TMEM67: variants seen among roughly 807,000 people sequenced by gnomAD.
TMEM67 encodes meckelin.
In TMEM67, 124 loss-of-function variants were observed where a neutral mutation model predicts 136.6. The observed-to-expected ratio is 0.91, with a 90% CI of 0.78 to 1.05. The LOEUF is 1.05. TMEM67 is among the 50% of genes least tolerant of loss of function. The pLI is 0.00. For synonymous variants in TMEM67, 364 were observed against 390.5 expected (o/e 0.93, Z 0.80); for missense variants, 1,107 against 1,178.4 (o/e 0.94, Z 0.89).
chr8:93,764,006 T>C, intron 4 of TMEM67, 65 bp downstream of exon 4: 2 of 1,065,736 alleles, frequency 1.9e-6, no homozygotes, highest in South Asian at 1.3e-5. Context: ...ATTTGTACTT[T>C]TAAGAGTGTT....
intron 1 of TMEM67, 70 bp downstream of exon 1, chr8:93,755,207 A>G (rs927200189): frequency 9.4e-6 from 13 of 1,381,902 alleles, no homozygotes; most frequent in Non-Finnish European, 1.3e-5. Context: ...GTCCCCGTAA[A>G]TGGAGTTTCA....
At chr8:93,802,849 T>C (rs547739307) in intron 21 of TMEM67, among the ~76,000 whole-genome samples, 3 of 152,214 alleles carry the variant, frequency 2.0e-5, no homozygotes, top group Non-Finnish European at 4.4e-5. Context: ...GAGTGCATTT[T>C]ATGTATTGGA....
chr8:93,798,123 G>A (rs145905207), intron 20 of TMEM67, among the ~76,000 whole-genome samples: 42 of 152,244 alleles, frequency 2.8e-4, no homozygotes, highest in Non-Finnish European at 5.0e-4. Flanking sequence ...CCCATTCCCT[G>A]CTACACCTAA....
At chr8:93,798,048 A>G (rs957019846) in intron 20 of TMEM67, among the ~76,000 whole-genome samples, 4 of 152,046 alleles carry the variant, frequency 2.6e-5, no homozygotes, top group African/African-American at 9.7e-5. Flanking sequence ...AATCATCATC[A>G]CCATTCATCT....
chr8:93,829,093 T>C, the TMEM67 span, among the ~76,000 whole-genome samples: 2 of 152,224 alleles, frequency 1.3e-5, no homozygotes, highest in African/African-American at 4.8e-5. Context: ...GTTCTATTTA[T>C]GGCTTATGTG....
chr8:93,805,860 A>G (rs1341731298), intron 23 of TMEM67, among the ~76,000 whole-genome samples: 1 of 152,214 alleles, frequency 6.6e-6, no homozygotes, highest in African/African-American at 2.4e-5. Context: ...GAACTTTATA[A>G]TGAGGGATCA....
chr8:93,820,187 C>G (rs1459761515), downstream of TMEM67, among the ~76,000 whole-genome samples: 1 of 151,946 alleles, frequency 6.6e-6, no homozygotes, highest in Non-Finnish European at 1.5e-5. Context: ...GTGCTTTCCC[C>G]CATGGCTGTG....
Position 93,803,740 on chromosome 8 carries a change from G to A in TMEM67, c.2322+56G>A, listed in dbSNP as rs1332853598. 11 of 1,084,892 alleles carry A rather than the reference G, an allele frequency of 1.0e-5. No individual in the cohort carries two copies. The Admixed American group carries it at 1.5e-4, about 15-fold the overall frequency. 67.2% of individuals were successfully genotyped at this position (1,084,892 alleles called of 1,614,324 possible). A position where few individuals can be genotyped will look rare whatever the true frequency, so the allele number is the denominator to read the frequency against. ...GTTACTTTCCCTTTTTAAAGGTCAT[G>A]AGTTTGTTAAGAGAGACTTTAAAAG... On this transcript the variant is annotated intron_variant, in intron 22 of 27. Coordinates refer to ENST00000453321, the MANE Select transcript of TMEM67 (RefSeq NM_153704.6).
At chr8:93,759,877 G>T (rs756201915) in intron 3 of TMEM67, 3 of 988,446 alleles carry the variant, frequency 3.0e-6, no homozygotes, top group South Asian at 1.5e-5. Flanking sequence ...TTGAACTTCC[G>T]ACCTCAGGTG....
At chr8:93,756,738 A>C (rs1352721130) in intron 2 of TMEM67, 2 of 152,156 alleles carry the variant, frequency 1.3e-5, no homozygotes, top group African/African-American at 2.4e-5. Context: ...CTCGCAGCAG[A>C]TTTCTTTTTC....
At chr8:93,812,781 G>T (rs1278332103) in intron 26 of TMEM67, among the ~76,000 whole-genome samples, 3 of 152,240 alleles carry the variant, frequency 2.0e-5, no homozygotes, top group African/African-American at 7.2e-5. Context: ...TTGTTGCCCA[G>T]GCTGGAGCAC....
At chr8:93,796,554 C>G (rs1286873723) in intron 18 of TMEM67, among the ~76,000 whole-genome samples, 1 of 152,164 alleles carries the variant, frequency 6.6e-6, no homozygotes, top group Non-Finnish European at 1.5e-5. Context: ...GTATCTCATA[C>G]TTAGATTTTT....
rs1420413321 is a variant in TMEM67, at chr8:93,755,069, A to G, written c.155A>G (p.Asn52Ser). Residue 52 changes from asparagine to serine, a missense_variant, in exon 1 of 28, where the codon AAC becomes AGC. Transcript: ENST00000453321. ...CAGCAGCCGGAGAAGTGCGACAACA[A>G]CCAGTACTTTGATATCTCCGCCCTC... ...PFQQPEKCDN[N>S]QYFDISALSC... 5 of 1,614,032 alleles carry G rather than the reference A, an allele frequency of 3.1e-6. No individual in the cohort carries two copies. The highest frequency in any genetic ancestry group is 4.2e-6 in the Non-Finnish European group (5 of 1,180,030).
In TMEM67 at chr8:93,755,038, C is replaced by G. The variant is rs752813601; in HGVS notation, c.124C>G (p.Pro42Ala). Residue 42 changes from proline (P) to alanine (A), a missense_variant, in exon 1 of 28, where the codon CCT becomes GCT. Physicochemically the swap from Pro to Ala is conservative, Grantham distance 27. Transcript: ENST00000453321. Reference protein sequence around the residue: ...RFLQAQTFSFPFQQPEKCDNN... With the variant: ...RFLQAQTFSFAFQQPEKCDNN... ...CTTACAGGCCCAGACCTTCTCTTTC[C>G]CTTTCCAGCAGCCGGAGAAGTGCGA... 2.4e-5 allele frequency: 39 copies of G among 1,614,218 alleles called. No homozygotes were observed. The South Asian group carries it at 3.8e-4, about 16-fold the overall frequency.
rs1461079741 is a variant in TMEM67, at chr8:93,780,765, G to C, written c.869+18G>C. The C allele has an allele frequency of 6.2e-7, 1 of 1,613,426 alleles. No individual in the cohort carries two copies. The highest frequency in any genetic ancestry group is 1.7e-5 in the Admixed American group (1 of 59,998). ...TCATTTTGGTAAGGATATTTTGATT[G>C]ATGAAATGTTATTTTGACTGAATTC... On this transcript the variant is annotated intron_variant, in intron 8 of 27. Transcript: ENST00000453321.
chr8:93,788,895 G>A (rs938375109), intron 14 of TMEM67, among the ~76,000 whole-genome samples: 1 of 152,198 alleles, frequency 6.6e-6, no homozygotes, highest in African/African-American at 2.4e-5. Context: ...GCCTAAAGAA[G>A]GTTGAGCCAC....
At chr8:93,782,262 C>T in intron 10 of TMEM67, 133 bp from the exon 11 acceptor site, 1 of 719,258 alleles carries the variant, frequency 1.4e-6, no homozygotes, top group African/African-American at 1.8e-5. Context: ...CAGATGTTCC[C>T]TTAACTTTTC....
In TMEM67 at chr8:93,817,526, A is replaced by AAAAAAC. The variant is rs1284849980; in HGVS notation, c.*1085_*1090dup. 6.6e-6 allele frequency: 1 copy of AAAAAAC among 152,248 alleles called. No homozygotes were observed. Among genetic ancestry groups the AAAAAAC allele is most frequent in the East Asian group, 1.9e-4 (1 of 5,204 alleles). 9.4% of individuals were successfully genotyped at this position (152,248 alleles called of 1,614,324 possible). On this transcript the variant is annotated 3_prime_UTR_variant, in exon 28 of 28. Transcript: ENST00000453321. ...ATGACAGAGCAAGACCCTGTCTCAGAAAAAACAAAAACAAAACACTGTAAA... is the reference window on the plus strand; with the variant it reads ...ATGACAGAGCAAGACCCTGTCTCAGAAAAAACAAAAACAAAAACAAAACACTGTAAA...
chr8:93,809,562 C>T (rs1808611730), intron 25 of TMEM67, among the ~76,000 whole-genome samples: 2 of 152,114 alleles, frequency 1.3e-5, no homozygotes, highest in Non-Finnish European at 1.5e-5. Context: ...AATTGATTTT[C>T]ACTATATCTA....
Sources: allele counts gnomAD v4.1 joint callset (sites outside exome capture counted in the v4.1 genomes callset), GRCh38; gene constraint gnomAD v4.1.1; transcripts MANE v1.5; gene names NCBI Gene and HGNC (gene_info 2026-07-23, HGNC 2026-07-21).